Variants in KIF13B observed in about 807,000 individuals in gnomAD.
The protein encoded by KIF13B is kinesin-like protein KIF13B.
In KIF13B, 127 loss-of-function variants were observed where a neutral mutation model predicts 222.0. That is an observed-to-expected ratio of 0.57 (90% CI 0.50 to 0.66). The LOEUF is 0.66. KIF13B is among the 30% of genes least tolerant of loss of function. The pLI is 0.00. For missense variants in KIF13B, 2,173 were observed against 2,379.0 expected (o/e 0.91, Z 1.80); for synonymous variants, 976 against 919.0 (o/e 1.06, Z -1.12).
chr8:29,170,197 C>A (rs1447827865), intron 10 of KIF13B, among the ~76,000 whole-genome samples: 1 of 152,180 alleles, frequency 6.6e-6, no homozygotes, highest in African/African-American at 2.4e-5. Context: ...AAGGTGGCAA[C>A]AGCAAATTAA....
intron 2 of KIF13B, among the ~76,000 whole-genome samples, chr8:29,209,096 A>G (rs1814088992): frequency 6.6e-6 from 1 of 152,254 alleles, no homozygotes; most frequent in South Asian, 2.1e-4. Context: ...TGTAAATGCA[A>G]GACACCAACA....
At chr8:29,161,533 T>A (rs1195056499) in intron 12 of KIF13B, among the ~76,000 whole-genome samples, 2 of 151,962 alleles carry the variant, frequency 1.3e-5, no homozygotes, top group Non-Finnish European at 2.9e-5. Context: ...CCATCTCTAC[T>A]AAAAATATAA....
At chr8:29,262,107 C>G (rs529016132) in intron 1 of KIF13B, among the ~76,000 whole-genome samples, 1 of 152,210 alleles carries the variant, frequency 6.6e-6, no homozygotes, top group East Asian at 1.9e-4. Flanking sequence ...AACACATTAT[C>G]TTATTTAAAG....
chr8:29,142,178 T>C lies in KIF13B; in HGVS notation c.2313A>G (p.Lys771=), dbSNP rs187424275. 4 of 1,613,606 alleles carry C rather than the reference T, an allele frequency of 2.5e-6. No homozygotes were observed. In the Admixed American group the frequency reaches 5.0e-5, roughly 20 times the overall value. The change falls in exon 19 of 40, where the codon AAA becomes AAG. Residue 771 remains lysine (K), a synonymous_variant. Coordinates refer to ENST00000524189, the MANE Select transcript of KIF13B (RefSeq NM_015254.4). Reference sequence around the variant, plus strand: ...TTACTGGGTTATCTTCTTCACACTCTTTCCACTCCTGATAAAGGTCTCTCA... The same window carrying C: ...TTACTGGGTTATCTTCTTCACACTCCTTCCACTCCTGATAAAGGTCTCTCA... The part of the protein sequence containing the change: ...LDMRDLYQEW[K]ECEEDNPVIR...
chr8:29,070,687 C>T lies in KIF13B; in HGVS notation c.5298G>A (p.Arg1766=), dbSNP rs1361201169. 1 of 1,560,084 alleles carries T rather than the reference C, an allele frequency of 6.4e-7. No homozygotes were observed. The highest frequency in any genetic ancestry group is 8.7e-7 in the Non-Finnish European group (1 of 1,152,664). The part of the protein sequence containing the change: ...PGYGLLVRPS[R]VRRATGPVRR... The stretch of plus-strand genomic sequence containing the variant: ...GCACAGGGCCCGTGGCCCTGCGGAC[C>T]CGGCTGGGCCTGACCAGCAGCCCGT... The change falls in exon 40 of 40, where the codon CGG becomes CGA. Residue 1766 remains arginine, a synonymous_variant. Transcript: ENST00000524189. The surrounding 1 kb of genome is among the most constrained non-coding windows in gnomAD (Gnocchi z 4.1).
chr8:29,200,901 G>T (rs564055536), intron 2 of KIF13B, among the ~76,000 whole-genome samples: 49 of 152,148 alleles, frequency 3.2e-4, no homozygotes, highest in African/African-American at 1.0e-3. Flanking sequence ...CGCCCTCCTT[G>T]GTGCATTCTA....
chr8:29,173,802 G>A (rs1160493262), intron 10 of KIF13B, among the ~76,000 whole-genome samples: 1 of 151,930 alleles, frequency 6.6e-6, no homozygotes, highest in African/African-American at 2.4e-5. Flanking sequence ...AAATTAGCCA[G>A]GTGTGGCGGT....
intron 35 of KIF13B, among the ~76,000 whole-genome samples, chr8:29,099,844 C>T (rs1808710258): frequency 6.6e-6 from 1 of 152,166 alleles, no homozygotes; most frequent in African/African-American, 2.4e-5. Context: ...CCACAGAATA[C>T]AGACGTATTC....
intron 21 of KIF13B, among the ~76,000 whole-genome samples, chr8:29,136,039 AT>A (rs1357936723): frequency 6.6e-6 from 1 of 152,224 alleles, no homozygotes; most frequent in Non-Finnish European, 1.5e-5. Context: ...CTTTTCTGTG[AT>A]GTCAACAGAA....
chr8:29,088,265 T>TA (rs947700057), intron 37 of KIF13B, among the ~76,000 whole-genome samples: 18 of 148,498 alleles, frequency 1.2e-4, no homozygotes, highest in African/African-American at 2.0e-4. Flanking sequence ...GACTCCATCT[T>TA]AAAAAAAAAA....
rs1003953580 is a variant in KIF13B at position 29,167,452 on chromosome 8, T to C, written c.1079A>G (p.Asn360Ser). The C allele has an allele frequency of 1.9e-6, 3 of 1,613,860 alleles. No individual in the cohort carries two copies. The highest frequency in any genetic ancestry group is 1.3e-5 in the African/African-American group (1 of 74,920). The change falls in exon 11 of 40, where the codon AAT (asparagine) becomes AGT (serine). Residue 360 changes from asparagine (N) to serine (S), a missense_variant. Around this residue, in one of 2 missense-constraint regions of KIF13B, gnomAD observed 1,480 missense variants for 1,722.8 expected, o/e 0.86. Transcript: ENST00000524189. ...GATAATTCGGGCATTAGGGTCCTCA[T>C]TCACCACAGCGTGGTTTACAATGTG... ...AKHIVNHAVV[N>S]EDPNARIIRD...
chr8:29,078,298 CAAA>C (rs35107118), intron 37 of KIF13B, among the ~76,000 whole-genome samples: 3 of 102,842 alleles, frequency 2.9e-5, no homozygotes, highest in Admixed American at 1.1e-4. Flanking sequence ...AACTCCATCT[CAAA>C]AAAAAAAAAA....
chr8:29,106,896 C>T (rs1441261414), intron 35 of KIF13B, among the ~76,000 whole-genome samples: 1 of 152,154 alleles, frequency 6.6e-6, no homozygotes, highest in African/African-American at 2.4e-5. Context: ...CCACTACTGA[C>T]CTCCTCAAGG....
At chr8:29,256,760 T>C (rs1297581790) in intron 1 of KIF13B, among the ~76,000 whole-genome samples, 1 of 152,122 alleles carries the variant, frequency 6.6e-6, no homozygotes, top group Non-Finnish European at 1.5e-5. Flanking sequence ...TTTTGTTTGT[T>C]TGTTTGTTTG....
At position 29,165,644 on chromosome 8, in the gene KIF13B, T is replaced by C; in HGVS notation, c.1269+18A>G. The C allele has an allele frequency of 6.6e-7, 1 of 1,516,720 alleles. No homozygotes were observed. Among genetic ancestry groups the C allele is most frequent in the Non-Finnish European group, 9.2e-7 (1 of 1,091,742 alleles). 94.0% of individuals were successfully genotyped at this position (1,516,720 alleles called of 1,614,324 possible). A position where few individuals can be genotyped will look rare whatever the true frequency, so the allele number is the denominator to read the frequency against. The stretch of plus-strand genomic sequence containing the variant: ...CTGCCATGAGGTTTCATGCGCTTCA[T>C]CATCAGGAAACACGAACCTGTGCAA... On this transcript the variant is annotated intron_variant, in intron 12 of 39. Coordinates refer to ENST00000524189, the MANE Select transcript of KIF13B (RefSeq NM_015254.4).
intron 30 of KIF13B, 96 bp downstream of exon 30, chr8:29,118,772 A>T (rs1809719999): frequency 8.0e-7 from 1 of 1,250,282 alleles, no homozygotes; most frequent in African/African-American, 1.5e-5. Flanking sequence ...GAGAAATGTA[A>T]AGTACTGGCA....
intron 35 of KIF13B, among the ~76,000 whole-genome samples, chr8:29,105,817 C>A (rs983348364): frequency 6.6e-6 from 1 of 151,742 alleles, no homozygotes; most frequent in Non-Finnish European, 1.5e-5. Context: ...TGGCACCACA[C>A]CCAGCTAATT....
At chr8:29,202,954 C>T (rs1038783773) in intron 2 of KIF13B, among the ~76,000 whole-genome samples, 3 of 152,096 alleles carry the variant, frequency 2.0e-5, no homozygotes, top group African/African-American at 7.2e-5. Context: ...TCAGATCACA[C>T]TTTATCTCCC....
chr8:29,186,644 T>A (rs1045623640), intron 5 of KIF13B, among the ~76,000 whole-genome samples, 172 bp from the exon 6 acceptor site: 25 of 152,038 alleles, frequency 1.6e-4, no homozygotes, highest in African/African-American at 6.0e-4. Context: ...CATGTGAAAG[T>A]GAAAAGCAAA....
Sources: gnomAD v4.1 joint callset for allele counts (sites outside exome capture counted in the v4.1 genomes callset) on GRCh38, gnomAD v4.1.1 for gene constraint, gnomAD v4.1.1 regional missense constraint, Gnocchi (gnomAD v3.1) non-coding constraint, MANE v1.5 for transcripts, NCBI Gene and HGNC (gene_info 2026-07-23, HGNC 2026-07-21) for gene names.